SNX30: variants seen among roughly 807,000 people sequenced by gnomAD.
SNX30 encodes the protein sorting nexin family member 30, also known as sorting nexin-30.
Under a neutral mutation model 46.4 loss-of-function variants are expected in SNX30, and 24 were observed. The observed-to-expected ratio is 0.52, with a 90% CI of 0.37 to 0.73. The LOEUF (loss-of-function observed/expected upper bound fraction) is 0.73, where lower values mean the gene tolerates loss of function less well. Among genes scored for constraint, SNX30 ranks in the 30% least tolerant of loss-of-function variants. The probability of loss-of-function intolerance (pLI) is 0.00; values close to 1 mark genes in which losing one functional copy is unlikely to be tolerated. For missense variants in SNX30, 533 were observed against 555.7 expected, an observed-to-expected ratio of 0.96 and a Z score of 0.41; for synonymous variants, 189 against 211.5, an observed-to-expected ratio of 0.89 and a Z score of 0.92.
rs1841433228 is a variant in SNX30, at chr9:112,870,760, C to G, written c.*1917C>G. 1 of 152,268 alleles carries G rather than the reference C, an allele frequency of 6.6e-6. No homozygotes were observed. 9.4% of individuals were successfully genotyped at this position (152,268 alleles called of 1,614,324 possible). A position where few individuals can be genotyped will look rare whatever the true frequency, so the allele number is the denominator to read the frequency against. The stretch of plus-strand genomic sequence containing the variant: ...ATCAGGATGTGTGTCTAATGGCGAG[C>G]TGACAGCCCTCTGCTGATATTTGGC... On this transcript the variant is annotated 3_prime_UTR_variant, in exon 9 of 9. Coordinates refer to ENST00000374232, the MANE Select transcript of SNX30 (RefSeq NM_001012994.2).
downstream of SNX30, among the ~76,000 whole-genome samples, chr9:112,883,810 G>A (rs967427639): frequency 5.3e-5 from 8 of 150,958 alleles, no homozygotes; most frequent in Admixed American, 1.3e-4. Context: ...CGATTCTCCT[G>A]CCTCAGCCTC....
At chr9:112,813,578 C>G (rs1261526789) in intron 2 of SNX30, among the ~76,000 whole-genome samples, 2 of 150,670 alleles carry the variant, frequency 1.3e-5, no homozygotes, top group African/African-American at 4.9e-5. Flanking sequence ...AAGCAGTTCT[C>G]CTGCCTCAGC....
downstream of SNX30, chr9:112,875,406 A>G (rs2131529036): frequency 6.6e-6 from 1 of 152,368 alleles, no homozygotes; most frequent in African/African-American, 2.4e-5. Context: ...ACTTGAGTAT[A>G]TTTAAAATAG....
chr9:112,864,434 G>A (rs1353800682), intron 8 of SNX30, 35 bp downstream of exon 8: 1 of 1,611,894 alleles, frequency 6.2e-7, no homozygotes, highest in East Asian at 2.2e-5. Context: ...GGTTTCTAAT[G>A]GCCAGAGCCT....
intron 6 of SNX30, among the ~76,000 whole-genome samples, chr9:112,848,775 GGGATATGGCT>G (rs1840979038): frequency 6.6e-6 from 1 of 152,202 alleles, no homozygotes; most frequent in Non-Finnish European, 1.5e-5. Flanking sequence ...ACTGGAGAGA[GGGATATGGCT>G]GGATCTGCAG....
chr9:112,815,624 G>A (rs1840385209), intron 2 of SNX30, among the ~76,000 whole-genome samples: 1 of 152,188 alleles, frequency 6.6e-6, no homozygotes, highest in South Asian at 2.1e-4. Context: ...GCCTCCCAAA[G>A]TGCTGGGATT....
intron 1 of SNX30, among the ~76,000 whole-genome samples, chr9:112,772,147 C>T (rs1369091677): frequency 1.3e-5 from 2 of 152,204 alleles, no homozygotes; most frequent in African/African-American, 4.8e-5. Flanking sequence ...GACGTTAGCT[C>T]TGTTCTGGTT....
chr9:112,832,828 T>C (rs1448550572), intron 4 of SNX30, among the ~76,000 whole-genome samples: 1 of 146,292 alleles, frequency 6.8e-6, no homozygotes, highest in East Asian at 2.0e-4. Context: ...TATTAATATA[T>C]AATAAATATA....
rs74446208 is a variant in SNX30, at chr9:112,858,429, C to T, written c.1102-5818C>T. The stretch of plus-strand genomic sequence containing the variant: ...ACTCGGGAGGCTGAGGCAGGAGGAT[C>T]GCTTGAACTTGGGAGATTGAGGCTA... On this transcript the variant is annotated intron_variant, in intron 7 of 8. Coordinates refer to ENST00000374232, the MANE Select transcript of SNX30 (RefSeq NM_001012994.2). 8.4e-4 allele frequency among the ~76,000 whole-genome samples: 128 copies of T among 152,186 alleles called. 1 individual carries two copies. The highest frequency in any genetic ancestry group is 1.5e-3 in the Non-Finnish European group (105 of 68,012).
chr9:112,857,420 G>A (rs758886859), intron 7 of SNX30, among the ~76,000 whole-genome samples: 5 of 152,152 alleles, frequency 3.3e-5, no homozygotes, highest in South Asian at 2.1e-4. Context: ...GGAAGCTGGA[G>A]GTGACCAGCC....
intron 1 of SNX30, among the ~76,000 whole-genome samples, chr9:112,778,642 A>T (rs1376883182): frequency 6.6e-6 from 1 of 152,226 alleles, no homozygotes. Flanking sequence ...GATAGACATC[A>T]TCTCTTGATG....
chr9:112,855,312 C>T (rs911517738), intron 7 of SNX30, among the ~76,000 whole-genome samples: 3 of 151,980 alleles, frequency 2.0e-5, no homozygotes. Flanking sequence ...ATGGTGGGAG[C>T]GAGGTAGCTC....
At chr9:112,758,829 A>G (rs1188635171) in intron 1 of SNX30, among the ~76,000 whole-genome samples, 1 of 151,888 alleles carries the variant, frequency 6.6e-6, no homozygotes, top group Non-Finnish European at 1.5e-5. Context: ...TGGGCAATAT[A>G]GTGAGACCTT....
At chr9:112,849,170 C>T (rs1840986050) in intron 6 of SNX30, among the ~76,000 whole-genome samples, 1 of 152,198 alleles carries the variant, frequency 6.6e-6, no homozygotes, top group Non-Finnish European at 1.5e-5. Context: ...TGGGGAACCA[C>T]ATTTGCACGT....
At chr9:112,772,149 G>C (rs925306185) in intron 1 of SNX30, among the ~76,000 whole-genome samples, 2 of 152,174 alleles carry the variant, frequency 1.3e-5, no homozygotes, top group African/African-American at 4.8e-5. Context: ...CGTTAGCTCT[G>C]TTCTGGTTTC....
intron 1 of SNX30, among the ~76,000 whole-genome samples, chr9:112,762,485 T>C (rs1345684229): frequency 2.6e-5 from 4 of 151,788 alleles, no homozygotes; most frequent in African/African-American, 9.7e-5. Context: ...CATCAACAGA[T>C]GGTTGCGGTA....
downstream of SNX30, chr9:112,881,682 A>G (rs984960603): frequency 6.6e-6 from 1 of 152,232 alleles, no homozygotes; most frequent in Non-Finnish European, 1.5e-5. Context: ...ACTGCTGCTT[A>G]TATGCTAGGA....
intron 1 of SNX30, among the ~76,000 whole-genome samples, chr9:112,797,609 AT>A (rs1170902428): frequency 5.3e-5 from 8 of 151,706 alleles, no homozygotes; most frequent in Non-Finnish European, 1.0e-4. Context: ...ATATCTCAAA[AT>A]CTTTATCTTT....
intron 2 of SNX30, among the ~76,000 whole-genome samples, chr9:112,810,019 C>T (rs762695290): frequency 2.6e-5 from 4 of 152,012 alleles, no homozygotes; most frequent in Admixed American, 1.3e-4. Context: ...GAATTGCCAC[C>T]GAAGGGGCGG....
Sources: gnomAD v4.1 joint callset for allele counts (sites outside exome capture counted in the v4.1 genomes callset) on GRCh38, gnomAD v4.1.1 for gene constraint, MANE v1.5 for transcripts, NCBI Gene and HGNC (gene_info 2026-07-23, HGNC 2026-07-21) for gene names.